The following DGKB variants were observed in gnomAD, a reference collection of about 807,000 sequenced individuals.
DGKB encodes diacylglycerol kinase beta.
Under a neutral mutation model 114.3 loss-of-function variants are expected in DGKB, and 67 were observed. The ratio of observed to expected loss-of-function variants is 0.59; its 90% CI spans 0.48 to 0.72. The LOEUF (loss-of-function observed/expected upper bound fraction) is 0.72. Among genes scored for constraint, DGKB ranks in the 30% least tolerant of loss-of-function variants. The probability of loss-of-function intolerance (pLI) is 0.00; values close to 1 mark genes in which losing one functional copy is unlikely to be tolerated. For missense variants in DGKB, 907 were observed against 975.2 expected (o/e 0.93, Z 0.93); for synonymous variants, 398 against 323.1 (o/e 1.23, Z -2.49).
intron 20 of DGKB, among the ~76,000 whole-genome samples, chr7:14,482,727 C>T (rs1445544408): frequency 6.6e-6 from 1 of 152,054 alleles, no homozygotes. Context: ...AATGTTTGCT[C>T]TCCTGATAGT....
intron 1 of DGKB, among the ~76,000 whole-genome samples, chr7:14,886,667 C>T (rs573114723): frequency 1.3e-5 from 2 of 152,000 alleles, no homozygotes; most frequent in South Asian, 4.2e-4. Flanking sequence ...GTAATCTGGG[C>T]TAAAATAATC....
intron 20 of DGKB, among the ~76,000 whole-genome samples, chr7:14,552,004 T>A (rs1420328141): frequency 6.6e-6 from 1 of 152,122 alleles, no homozygotes; most frequent in African/African-American, 2.4e-5. Flanking sequence ...GTCACTAACA[T>A]ATGACCTAAA....
chr7:14,751,119 G>A (rs1249576892), intron 4 of DGKB, among the ~76,000 whole-genome samples: 12 of 151,874 alleles, frequency 7.9e-5, no homozygotes, highest in Non-Finnish European at 2.9e-5. Flanking sequence ...GGCCAAAAAA[G>A]CCATTTCTAA....
intron 21 of DGKB, among the ~76,000 whole-genome samples, chr7:14,362,620 T>C (rs1446457387): frequency 6.7e-6 from 1 of 148,950 alleles, no homozygotes; most frequent in Non-Finnish European, 1.5e-5. Flanking sequence ...CCACCTCTTC[T>C]CATTCTTAGA....
intron 6 of DGKB, among the ~76,000 whole-genome samples, chr7:14,702,983 A>G (rs1047211279): frequency 6.6e-6 from 1 of 152,254 alleles, no homozygotes; most frequent in African/African-American, 2.4e-5. Flanking sequence ...CTTAAGGGCA[A>G]TAATACTAAA....
chr7:14,250,838 T>C (rs929285213), intron 23 of DGKB, among the ~76,000 whole-genome samples: 2 of 152,186 alleles, frequency 1.3e-5, no homozygotes, highest in Non-Finnish European at 2.9e-5. Flanking sequence ...ATGCATACAG[T>C]TTTTATATCC....
intron 1 of DGKB, among the ~76,000 whole-genome samples, chr7:14,953,499 G>C (rs564268631): frequency 2.2e-4 from 33 of 152,154 alleles, no homozygotes; most frequent in African/African-American, 7.2e-4. Flanking sequence ...TCCACAATGA[G>C]ATATCACTTC....
intron 25 of DGKB, among the ~76,000 whole-genome samples, chr7:14,169,168 G>A (rs375624403): frequency 9.5e-4 from 143 of 150,892 alleles, no homozygotes; most frequent in African/African-American, 3.4e-3. Context: ...GACCACCCTG[G>A]CTAACACGGT....
chr7:14,381,490 G>T (rs1054311712), intron 21 of DGKB, among the ~76,000 whole-genome samples: 4 of 152,124 alleles, frequency 2.6e-5, no homozygotes, highest in African/African-American at 9.7e-5. Context: ...TTTTAGAGAT[G>T]AGTAAATGAC....
At chr7:14,228,172 TTTTTA>T (rs1216540752) in intron 23 of DGKB, among the ~76,000 whole-genome samples, 2 of 152,132 alleles carry the variant, frequency 1.3e-5, no homozygotes, top group East Asian at 1.9e-4. Context: ...TCATCATTTA[TTTTTA>T]TTTTATTTTT....
At chr7:14,270,899 T>G (rs1410775907) in intron 23 of DGKB, among the ~76,000 whole-genome samples, 1 of 152,148 alleles carries the variant, frequency 6.6e-6, no homozygotes, top group Non-Finnish European at 1.5e-5. Flanking sequence ...AAGTGATTTT[T>G]CAAGAAGAGA....
chr7:14,709,937 G>T (rs185680261), intron 6 of DGKB, among the ~76,000 whole-genome samples: 6,655 of 147,182 alleles, frequency 0.045, 497 homozygotes, highest in African/African-American at 0.16. Context: ...TGCACAATGT[G>T]CACATGTACC....
intron 23 of DGKB, among the ~76,000 whole-genome samples, chr7:14,279,095 T>G (rs2128449593): frequency 6.6e-6 from 1 of 152,272 alleles, no homozygotes; most frequent in South Asian, 2.1e-4. Context: ...GGGAGTTCCC[T>G]TTCCTAATCA....
chr7:14,903,643 C>A (rs921125768), upstream of DGKB, among the ~76,000 whole-genome samples: 5 of 152,076 alleles, frequency 3.3e-5, no homozygotes, highest in Non-Finnish European at 7.4e-5. Context: ...TTGGTAACCT[C>A]GGAGCAGGTG....
At chr7:14,592,676 T>C (rs1240981489) in intron 17 of DGKB, among the ~76,000 whole-genome samples, 1 of 151,934 alleles carries the variant, frequency 6.6e-6, no homozygotes, top group Non-Finnish European at 1.5e-5. Flanking sequence ...GTAATATCTT[T>C]TAAAAATCCA....
At chr7:14,938,744 G>C (rs36879) in intron 1 of DGKB, among the ~76,000 whole-genome samples, 1 of 151,964 alleles carries the variant, frequency 6.6e-6, no homozygotes, top group Non-Finnish European at 1.5e-5. Flanking sequence ...TAGGTTACTA[G>C]TGCTGTACTT....
chr7:14,758,639 C>G (rs953317634), intron 2 of DGKB, among the ~76,000 whole-genome samples: 2 of 151,950 alleles, frequency 1.3e-5, no homozygotes, highest in African/African-American at 4.8e-5. Context: ...TATTGGCTAC[C>G]AATTGAATAT....
chr7:14,635,109 C>T (rs986954315), intron 13 of DGKB, among the ~76,000 whole-genome samples: 10 of 151,368 alleles, frequency 6.6e-5, no homozygotes, highest in Admixed American at 4.6e-4. Context: ...TCCAGGGTCC[C>T]TTGACTACTT....
intron 7 of DGKB, among the ~76,000 whole-genome samples, chr7:14,699,510 T>G (rs1251098371): frequency 6.6e-6 from 1 of 152,198 alleles, no homozygotes; most frequent in African/African-American, 2.4e-5. Context: ...GTTAAACATG[T>G]TATTATACAA....
Sources: gnomAD v4.1 joint callset for allele counts (sites outside exome capture counted in the v4.1 genomes callset) on GRCh38, gnomAD v4.1.1 for gene constraint, MANE v1.5 for transcripts, NCBI Gene and HGNC (gene_info 2026-07-23, HGNC 2026-07-21) for gene names.